Variants in SIAH1 observed in about 807,000 individuals in gnomAD.
The protein encoded by SIAH1 is siah E3 ubiquitin protein ligase 1.
SIAH1 carries 2 observed loss-of-function variants against 20.0 expected under a neutral mutation model. The observed-to-expected ratio is 0.10, with a 90% CI of 0.04 to 0.31. The LOEUF (loss-of-function observed/expected upper bound fraction) is 0.31, where lower values mean the gene tolerates loss of function less well. SIAH1 is among the 10% of genes least tolerant of loss of function. SIAH1 has a pLI of 1.00. For synonymous variants in SIAH1, 118 were observed against 125.3 expected, an observed-to-expected ratio of 0.94 and a Z score of 0.39; for missense variants, 119 against 355.3, an observed-to-expected ratio of 0.33 and a Z score of 5.35.
rs1403723109 is a variant in SIAH1 at position 48,360,976 on chromosome 16, A to C, written c.*604T>G. On this transcript the variant is annotated 3_prime_UTR_variant, in exon 2 of 2. Transcript: ENST00000394725. The stretch of plus-strand genomic sequence containing the variant: ...AAAAGAAAATATTGAACACGTTATA[A>C]ATTTTTTACCATAAACAAATATGCA... 6.6e-6 allele frequency: 1 copy of C among 152,258 alleles called. No homozygotes were observed. Among genetic ancestry groups the C allele is most frequent in the Non-Finnish European group, 1.5e-5 (1 of 68,066 alleles). 9.4% of individuals were successfully genotyped at this position (152,258 alleles called of 1,614,324 possible). A position where few individuals can be genotyped will look rare whatever the true frequency, so the allele number is the denominator to read the frequency against.
At chr16:48,367,981 A>G (rs1960884639) in intron 1 of SIAH1, among the ~76,000 whole-genome samples, 1 of 152,336 alleles carries the variant, frequency 6.6e-6, no homozygotes, top group South Asian at 2.1e-4. Flanking sequence ...ATCAGCCTTT[A>G]ATGTTGTCTT....
At chr16:48,370,206 T>A (rs1233817150) in intron 1 of SIAH1, among the ~76,000 whole-genome samples, 1 of 152,196 alleles carries the variant, frequency 6.6e-6, no homozygotes, top group Non-Finnish European at 1.5e-5. Flanking sequence ...GAATGGCCAC[T>A]CCCTTCCCTT....
intron 1 of SIAH1, among the ~76,000 whole-genome samples, chr16:48,370,132 A>G (rs1471424299): frequency 6.6e-6 from 1 of 152,232 alleles, no homozygotes; most frequent in African/African-American, 2.4e-5. Flanking sequence ...CTGATATGCT[A>G]AAGCATTTTC....
intron 1 of SIAH1, among the ~76,000 whole-genome samples, chr16:48,377,216 G>A (rs1453932998): frequency 1.3e-5 from 2 of 151,600 alleles, no homozygotes; most frequent in South Asian, 2.1e-4. Flanking sequence ...CCATGTGCCC[G>A]GACTCCCTGT....
intron 1 of SIAH1, among the ~76,000 whole-genome samples, chr16:48,383,473 T>C (rs1458701350): frequency 6.6e-6 from 1 of 152,168 alleles, no homozygotes; most frequent in Admixed American, 6.5e-5. Context: ...GACCATTACA[T>C]TTGCCACCAC....
At chr16:48,375,507 G>A (rs1211620326) in intron 1 of SIAH1, among the ~76,000 whole-genome samples, 1 of 152,040 alleles carries the variant, frequency 6.6e-6, no homozygotes, top group Non-Finnish European at 1.5e-5. Context: ...GCATGGTGGT[G>A]GGCACCTGTA....
At chr16:48,383,530 T>C (rs894718814) in intron 1 of SIAH1, among the ~76,000 whole-genome samples, 1 of 152,264 alleles carries the variant, frequency 6.6e-6, no homozygotes, top group Non-Finnish European at 1.5e-5. Context: ...GGTAACACCA[T>C]AGATACACAC....
chr16:48,384,945 C>G (rs866748045), intron 1 of SIAH1, among the ~76,000 whole-genome samples: 15 of 145,732 alleles, frequency 1.0e-4, no homozygotes, highest in Non-Finnish European at 2.0e-4. Context: ...GGGGCCGACC[C>G]CCGCCGCCAC....
intron 1 of SIAH1, among the ~76,000 whole-genome samples, chr16:48,378,554 C>A (rs1961172808): frequency 6.6e-6 from 1 of 152,198 alleles, no homozygotes; most frequent in South Asian, 2.1e-4. Context: ...AAGCTGTACA[C>A]ATGATTTGAG....
At chr16:48,376,603 C>T (rs1178836967) in intron 1 of SIAH1, among the ~76,000 whole-genome samples, 2 of 152,070 alleles carry the variant, frequency 1.3e-5, no homozygotes, top group Admixed American at 6.6e-5. Context: ...GCAATTCTCC[C>T]GTCTCAGCCT....
chr16:48,384,865 G>C (rs1280209604), intron 1 of SIAH1, among the ~76,000 whole-genome samples: 2 of 145,474 alleles, frequency 1.4e-5, no homozygotes, highest in Non-Finnish European at 1.5e-5. Flanking sequence ...CCCCGGCCGG[G>C]CCCGCCTCCC....
intron 1 of SIAH1, among the ~76,000 whole-genome samples, chr16:48,373,277 C>A (rs912543763): frequency 2.6e-5 from 4 of 152,138 alleles, no homozygotes; most frequent in African/African-American, 9.7e-5. Context: ...AAACACAATG[C>A]TCCAGATTTG....
intron 1 of SIAH1, among the ~76,000 whole-genome samples, chr16:48,376,076 AAACT>A (rs1449197859): frequency 2.0e-5 from 3 of 152,354 alleles, no homozygotes; most frequent in African/African-American, 7.2e-5. Context: ...CAGATCAAAG[AAACT>A]AACTTTAAAA....
At chr16:48,364,146 C>CGA (rs1960736374) in intron 1 of SIAH1, among the ~76,000 whole-genome samples, 3 of 151,802 alleles carry the variant, frequency 2.0e-5, no homozygotes, top group African/African-American at 7.3e-5. Context: ...GACGGGGTTT[C>CGA]ACCATGGCTG....
rs752902625 is a variant in SIAH1 at position 48,360,659 on chromosome 16, T to C, written c.*921A>G. The C allele has an allele frequency of 1.3e-5, 2 of 152,658 alleles. No homozygotes were observed. Among genetic ancestry groups the C allele is most frequent in the Non-Finnish European group, 2.9e-5 (2 of 68,036 alleles). 9.5% of individuals were successfully genotyped at this position (152,658 alleles called of 1,614,324 possible). ...TACTGTGCATGACGATGCCTTCTTC[T>C]GCAAAACCAATAAATACAAGAACAA... is the stretch of plus-strand genomic sequence containing the variant. On this transcript the variant is annotated 3_prime_UTR_variant, in exon 2 of 2. Transcript: ENST00000394725.
chr16:48,383,225 C>T (rs1011239605), intron 1 of SIAH1, among the ~76,000 whole-genome samples: 1 of 151,360 alleles, frequency 6.6e-6, no homozygotes, highest in Non-Finnish European at 1.5e-5. Context: ...ATGCCAATAA[C>T]GAAAAAAAAA....
intron 1 of SIAH1, among the ~76,000 whole-genome samples, chr16:48,375,285 A>C (rs1301745363): frequency 6.6e-6 from 1 of 152,252 alleles, no homozygotes; most frequent in Non-Finnish European, 1.5e-5. Flanking sequence ...GCCTTCTTTA[A>C]ATAAAATGGA....
rs947355986 is a variant in SIAH1 at position 48,366,021 on chromosome 16, G to A, written c.-2-3591C>T. ...GCACAGGGCGATGCCCGTCTTGCTC[G>A]CGCAAGGGTGGGGCCGTGCCCGCAA... On this transcript the variant is annotated intron_variant, in intron 1 of 1. Transcript: ENST00000394725. The A allele has an allele frequency of 8.2e-6, 5 of 610,858 alleles. No individual in the cohort carries two copies. In the African/African-American group the frequency reaches 9.7e-5, roughly 12 times the overall value. The allele number at this position is 610,858 out of a possible 1,614,324, so 37.8% of individuals were successfully genotyped here. A position where few individuals can be genotyped will look rare whatever the true frequency, so the allele number is the denominator to read the frequency against.
intron 1 of SIAH1, chr16:48,365,757 T>C (rs890105610): frequency 2.2e-6 from 3 of 1,346,794 alleles, no homozygotes; most frequent in Non-Finnish European, 1.9e-6. Context: ...CTTTCGTCTG[T>C]CTCCCAAGTT....
Sources: gnomAD v4.1 joint callset for allele counts (sites outside exome capture counted in the v4.1 genomes callset) on GRCh38, gnomAD v4.1.1 for gene constraint, MANE v1.5 for transcripts, NCBI Gene and HGNC (gene_info 2026-07-23, HGNC 2026-07-21) for gene names.